ADGRL3: variants seen among roughly 807,000 people sequenced by gnomAD.
ADGRL3 encodes adhesion G protein-coupled receptor L3.
ADGRL3 carries 62 observed loss-of-function variants against 153.5 expected under a neutral mutation model. The observed-to-expected ratio is 0.40, with a 90% CI of 0.33 to 0.50. The LOEUF (loss-of-function observed/expected upper bound fraction) is 0.50. ADGRL3 is among the 20% of genes least tolerant of loss of function. The pLI is 0.47. For synonymous variants in ADGRL3, 710 were observed against 672.5 expected (o/e 1.06, Z -0.86); for missense variants, 1,641 against 1,859.4 (o/e 0.88, Z 2.16).
intron 1 of ADGRL3, among the ~76,000 whole-genome samples, chr4:61,342,776 C>T (rs72614735): frequency 0.12 from 17,920 of 152,166 alleles, 1,293 homozygotes; most frequent in South Asian, 0.2. Context: ...AATTTTAACA[C>T]ATTTCAGTTC....
At chr4:61,371,728 G>A (rs1045723330) in intron 1 of ADGRL3, among the ~76,000 whole-genome samples, 3 of 152,176 alleles carry the variant, frequency 2.0e-5, no homozygotes, top group South Asian at 2.1e-4. Context: ...CTCTTCTCGA[G>A]GAGTATCTTT....
intron 4 of ADGRL3, among the ~76,000 whole-genome samples, chr4:61,532,553 C>CGCGCGT (rs1553956727): frequency 1.5e-5 from 2 of 131,516 alleles, no homozygotes; most frequent in Admixed American, 7.5e-5. Flanking sequence ...CGCGCGCGCG[C>CGCGCGT]GCGTGTGTGT....
At position 61,672,247 on chromosome 4, in the gene ADGRL3, T is replaced by C. The variant is rs73217640; in HGVS notation, c.474-4579T>C. On this transcript the variant is annotated intron_variant, in intron 5 of 26. Coordinates refer to ENST00000683033, the MANE Select transcript of ADGRL3 (RefSeq NM_001387552.1). ...CTTTTTATATCATGTAAGATAGAGA[T>C]CCCATTTCTTTCTTCTTCATGTAGA... Among the ~76,000 whole-genome samples, 904 of 152,222 alleles carry C rather than the reference T, an allele frequency of 5.9e-3. 8 individuals are homozygous for C. The highest frequency in any genetic ancestry group is 0.021 in the African/African-American group (861 of 41,554).
chr4:61,613,277 G>A (rs1023027792), intron 5 of ADGRL3, among the ~76,000 whole-genome samples: 4 of 152,052 alleles, frequency 2.6e-5, no homozygotes, highest in African/African-American at 7.2e-5. Flanking sequence ...TTAAATGAGA[G>A]TATAATTTTT....
At chr4:61,496,436 G>T (rs1488714779) in intron 2 of ADGRL3, among the ~76,000 whole-genome samples, 1 of 150,964 alleles carries the variant, frequency 6.6e-6, no homozygotes, top group African/African-American at 2.4e-5. Context: ...GGCCGAGGCG[G>T]GTGGATCACC....
chr4:61,325,166 G>T (rs921293296), intron 1 of ADGRL3, among the ~76,000 whole-genome samples: 4 of 152,004 alleles, frequency 2.6e-5, no homozygotes, highest in Non-Finnish European at 4.4e-5. Flanking sequence ...ACAAAAATTA[G>T]CTGGGCGTGG....
At chr4:61,559,991 C>T (rs1046843767) in intron 4 of ADGRL3, among the ~76,000 whole-genome samples, 2 of 152,080 alleles carry the variant, frequency 1.3e-5, no homozygotes, top group Admixed American at 6.6e-5. Context: ...CCATCCCCCA[C>T]ATATTCACAT....
At chr4:62,036,838 T>C in intron 23 of ADGRL3, among the ~76,000 whole-genome samples, 1 of 152,130 alleles carries the variant, frequency 6.6e-6, no homozygotes, top group African/African-American at 2.4e-5. Flanking sequence ...TTGTTATTGG[T>C]AATAGATATG....
chr4:61,881,081 T>A (rs1266202076), intron 9 of ADGRL3, among the ~76,000 whole-genome samples: 1 of 152,132 alleles, frequency 6.6e-6, no homozygotes. Flanking sequence ...AATACTAAAA[T>A]TTTTTTAAAG....
rs867725521 is a variant in ADGRL3 at position 61,891,030 on chromosome 4, T to C, written c.1481-1626T>C. ...GCACTTAATATTTTGAAATATGTTA[T>C]TGAATTTTATGTTGGGATTGTGTTA... On this transcript the variant is annotated intron_variant, in intron 9 of 26. Coordinates refer to ENST00000683033, the MANE Select transcript of ADGRL3 (RefSeq NM_001387552.1). 5.9e-5 allele frequency among the ~76,000 whole-genome samples: 9 copies of C among 152,332 alleles called. No homozygotes were observed. The South Asian group carries it at 1.2e-3, about 21-fold the overall frequency.
At chr4:61,687,439 G>T (rs1368111831) in intron 6 of ADGRL3, among the ~76,000 whole-genome samples, 1 of 151,944 alleles carries the variant, frequency 6.6e-6, no homozygotes, top group African/African-American at 2.4e-5. Context: ...ATAGAAGATG[G>T]AGGAAGGAGC....
In ADGRL3 at chr4:61,603,418, A is replaced by G. The variant is rs572535594; in HGVS notation, c.473+15978A>G. On this transcript the variant is annotated intron_variant, in intron 5 of 26. Transcript: ENST00000683033. ...TGCCTCTTAAACAATCCAGCTTAGGAGTTTAGAAAACTTCAGAGCTCTTTC... is the reference window on the plus strand; with the variant it reads ...TGCCTCTTAAACAATCCAGCTTAGGGGTTTAGAAAACTTCAGAGCTCTTTC... 9.8e-5 allele frequency among the ~76,000 whole-genome samples: 15 copies of G among 152,298 alleles called. No individual in the cohort carries two copies. In the South Asian group the frequency reaches 3.1e-3, roughly 32 times the overall value.
chr4:61,805,999 T>C (rs1237126439), intron 8 of ADGRL3, among the ~76,000 whole-genome samples: 1 of 152,210 alleles, frequency 6.6e-6, no homozygotes, highest in Non-Finnish European at 1.5e-5. Flanking sequence ...TTTCAATGTT[T>C]CTCTTTTTTA....
chr4:61,969,156 C>G (rs1403985743), intron 17 of ADGRL3, among the ~76,000 whole-genome samples: 1 of 152,080 alleles, frequency 6.6e-6, no homozygotes, highest in Admixed American at 6.6e-5. Context: ...TTAGTTGCAA[C>G]CTTTGAATCA....
intron 17 of ADGRL3, among the ~76,000 whole-genome samples, chr4:61,964,220 A>T (rs569540062): frequency 3.3e-5 from 5 of 152,094 alleles, no homozygotes; most frequent in South Asian, 4.1e-4. Context: ...GACTAACACA[A>T]TTTTTTCTAA....
At chr4:61,928,552 A>G (rs886971750) in intron 13 of ADGRL3, among the ~76,000 whole-genome samples, 1 of 152,192 alleles carries the variant, frequency 6.6e-6, no homozygotes, top group African/African-American at 2.4e-5. Context: ...GTCTTTACAC[A>G]TAATACGTAT....
At chr4:61,775,388 T>A (rs1045301998) in intron 8 of ADGRL3, 10 of 475,978 alleles carry the variant, frequency 2.1e-5, no homozygotes, top group Non-Finnish European at 3.9e-5. Context: ...TAAAATTTTC[T>A]TTTTTTTCTT....
chr4:61,984,035 AG>A (rs2099077346), intron 19 of ADGRL3, among the ~76,000 whole-genome samples: 1 of 152,208 alleles, frequency 6.6e-6, no homozygotes, highest in South Asian at 2.1e-4. Flanking sequence ...GTATAGGAGC[AG>A]GGACAGCCTG....
In ADGRL3 at chr4:61,329,234, T is replaced by A. The variant is rs144290453; in HGVS notation, c.-239-53890T>A. 4.3e-4 allele frequency among the ~76,000 whole-genome samples: 66 copies of A among 152,278 alleles called. No individual in the cohort carries two copies. In the East Asian group the frequency reaches 0.012, roughly 28 times the overall value. On this transcript the variant is annotated intron_variant, in intron 1 of 26. Transcript: ENST00000683033. ...ACTGATGCAGTTTCAAATAACTTTA[T>A]AAAGTAAAACAAGATTTATAATTGA...
Sources: gnomAD v4.1 joint callset for allele counts (sites outside exome capture counted in the v4.1 genomes callset) on GRCh38, gnomAD v4.1.1 for gene constraint, MANE v1.5 for transcripts, NCBI Gene and HGNC (gene_info 2026-07-23, HGNC 2026-07-21) for gene names.